Variants in CPQ observed in about 807,000 individuals in gnomAD.
CPQ encodes the protein carboxypeptidase Q.
In CPQ, 37 loss-of-function variants were observed where a neutral mutation model predicts 45.7. That is an observed-to-expected ratio of 0.81 (90% CI 0.62 to 1.07). The LOEUF is 1.07. Ranked by LOEUF, CPQ falls within the 50% of genes least tolerant of loss-of-function variation. CPQ has a pLI of 0.00. For synonymous variants in CPQ, 186 were observed against 205.8 expected (o/e 0.90, Z 0.82); for missense variants, 537 against 572.9 (o/e 0.94, Z 0.64).
At chr8:96,879,520 C>G (rs1812191703) in intron 3 of CPQ, among the ~76,000 whole-genome samples, 1 of 152,130 alleles carries the variant, frequency 6.6e-6, no homozygotes, top group Non-Finnish European at 1.5e-5. Context: ...CTATTAATGT[C>G]CTTCAGAGTT....
intron 6 of CPQ, among the ~76,000 whole-genome samples, chr8:97,049,752 T>C (rs1810325558): frequency 6.6e-6 from 1 of 152,248 alleles, no homozygotes; most frequent in East Asian, 1.9e-4. Context: ...CCAACACTTT[T>C]GTTTTTAGAA....
intron 5 of CPQ, among the ~76,000 whole-genome samples, chr8:97,011,311 T>C (rs1311469691): frequency 2.0e-5 from 3 of 152,234 alleles, no homozygotes; most frequent in Non-Finnish European, 4.4e-5. Flanking sequence ...ATATATGCAA[T>C]CTAATGTCTA....
chr8:96,996,857 G>A (rs1806535458), intron 5 of CPQ, among the ~76,000 whole-genome samples: 1 of 151,832 alleles, frequency 6.6e-6, no homozygotes. Flanking sequence ...AGCCTTGGTT[G>A]GTTTATTGAC....
At chr8:96,864,739 A>G (rs1314715170) in intron 3 of CPQ, among the ~76,000 whole-genome samples, 1 of 152,074 alleles carries the variant, frequency 6.6e-6, no homozygotes, top group Non-Finnish European at 1.5e-5. Context: ...TTAAAAATGT[A>G]TCCTAAATCT....
intron 5 of CPQ, among the ~76,000 whole-genome samples, chr8:97,008,365 T>G (rs1408112529): frequency 1.3e-5 from 2 of 152,258 alleles, no homozygotes; most frequent in African/African-American, 4.8e-5. Flanking sequence ...TTAGGATGTC[T>G]GTTTATACAA....
At chr8:96,874,452 A>G (rs990404954) in intron 3 of CPQ, among the ~76,000 whole-genome samples, 5 of 151,784 alleles carry the variant, frequency 3.3e-5, no homozygotes, top group Admixed American at 6.6e-5. Flanking sequence ...CCTCATACCT[A>G]TTAATATTCC....
intron 3 of CPQ, among the ~76,000 whole-genome samples, chr8:96,879,184 A>T (rs1812187051): frequency 6.6e-6 from 1 of 152,232 alleles, no homozygotes; most frequent in Admixed American, 6.5e-5. Context: ...CCAAAAGTAT[A>T]ATAGTTTTTT....
At chr8:96,803,946 A>T (rs1563501032) in intron 2 of CPQ, among the ~76,000 whole-genome samples, 1 of 152,138 alleles carries the variant, frequency 6.6e-6, no homozygotes. Context: ...GGTCAAGGTG[A>T]TGATGATACA....
chr8:96,966,102 C>T lies in CPQ; in HGVS notation c.961+56C>T, dbSNP rs750766445. The T allele has an allele frequency of 2.1e-5, 26 of 1,251,390 alleles. No individual in the cohort carries two copies. The East Asian group carries it at 5.9e-4, about 28-fold the overall frequency. 77.5% of individuals were successfully genotyped at this position (1,251,390 alleles called of 1,614,324 possible). Reference sequence around the variant, plus strand: ...GTGAGGATCTCAGTGACATGTTTAACTCAAAACACAAAATACTTAACAGAT... The same window carrying T: ...GTGAGGATCTCAGTGACATGTTTAATTCAAAACACAAAATACTTAACAGAT... On this transcript the variant is annotated intron_variant, in intron 5 of 7. Transcript: ENST00000220763.
intron 5 of CPQ, among the ~76,000 whole-genome samples, chr8:96,971,161 G>A (rs867972912): frequency 3.3e-5 from 5 of 152,214 alleles, no homozygotes; most frequent in Non-Finnish European, 5.9e-5. Flanking sequence ...TTCTGGAAGT[G>A]AGTACAAATA....
At chr8:96,717,038 TATATATATATATA>T (rs1809686322) in intron 1 of CPQ, among the ~76,000 whole-genome samples, 1 of 34,288 alleles carries the variant, frequency 2.9e-5, no homozygotes, top group Non-Finnish European at 8.2e-5. Context: ...TATATATATA[TATATATATATATA>T]TATATATATA....
At chr8:96,955,653 A>G (rs1813344647) in intron 4 of CPQ, among the ~76,000 whole-genome samples, 1 of 152,222 alleles carries the variant, frequency 6.6e-6, no homozygotes, top group Non-Finnish European at 1.5e-5. Flanking sequence ...CCAAAACAGC[A>G]TGGTACTGGT....
At chr8:96,970,556 C>T (rs1813648718) in intron 5 of CPQ, among the ~76,000 whole-genome samples, 2 of 151,722 alleles carry the variant, frequency 1.3e-5, no homozygotes, top group African/African-American at 4.8e-5. Context: ...TGACGCCATG[C>T]CCAACACTCT....
chr8:97,021,300 T>C (rs1346044139), intron 5 of CPQ, among the ~76,000 whole-genome samples: 1 of 152,168 alleles, frequency 6.6e-6, no homozygotes, highest in Non-Finnish European at 1.5e-5. Context: ...GCATTCCCTC[T>C]GAGAACTGGG....
intron 7 of CPQ, among the ~76,000 whole-genome samples, chr8:97,082,349 C>T (rs570956390): frequency 6.6e-5 from 10 of 151,894 alleles, no homozygotes; most frequent in Non-Finnish European, 1.0e-4. Context: ...CTATCTGACC[C>T]GGTTGGAAAA....
intron 1 of CPQ, among the ~76,000 whole-genome samples, chr8:96,752,177 T>C (rs1001482561): frequency 2.0e-5 from 3 of 152,206 alleles, no homozygotes; most frequent in Non-Finnish European, 2.9e-5. Flanking sequence ...AGAATGTCGG[T>C]AGTTTAATGG....
intron 1 of CPQ, among the ~76,000 whole-genome samples, chr8:96,660,167 G>A (rs955221477): frequency 3.3e-5 from 5 of 152,158 alleles, no homozygotes; most frequent in Non-Finnish European, 5.9e-5. Context: ...TCTCATGGTT[G>A]TGGGGGCTGG....
intron 4 of CPQ, among the ~76,000 whole-genome samples, chr8:96,915,750 C>A (rs1444802625): frequency 2.0e-5 from 3 of 152,126 alleles, no homozygotes; most frequent in Non-Finnish European, 2.9e-5. Flanking sequence ...CTTGCCTCAA[C>A]CTTCCCTTTG....
chr8:96,919,149 T>C (rs1196571776), intron 4 of CPQ, among the ~76,000 whole-genome samples: 1 of 151,930 alleles, frequency 6.6e-6, no homozygotes, highest in African/African-American at 2.4e-5. Flanking sequence ...GTGCTGTTGG[T>C]TGTTGTGAGA....
Sources: allele counts gnomAD v4.1 joint callset (sites outside exome capture counted in the v4.1 genomes callset), GRCh38; gene constraint gnomAD v4.1.1; transcripts MANE v1.5; gene names NCBI Gene and HGNC (gene_info 2026-07-23, HGNC 2026-07-21).